EZH1: variants seen among roughly 807,000 people sequenced by gnomAD.
The protein encoded by EZH1 is enhancer of zeste 1 polycomb repressive complex 2 subunit, also known as histone-lysine N-methyltransferase EZH1.
EZH1 carries 33 observed loss-of-function variants against 100.5 expected under a neutral mutation model. The ratio of observed to expected loss-of-function variants is 0.33; its 90% CI spans 0.25 to 0.44. The LOEUF is 0.44. Among genes scored for constraint, EZH1 ranks in the 20% least tolerant of loss-of-function variants. The probability of loss-of-function intolerance (pLI) is 1.00; values close to 1 mark genes in which losing one functional copy is unlikely to be tolerated. For missense variants in EZH1, 475 were observed against 928.4 expected (o/e 0.51, Z 6.35); for synonymous variants, 272 against 313.8 (o/e 0.87, Z 1.41).
chr17:42,730,660 C>A (rs1488730358), intron 2 of EZH1, among the ~76,000 whole-genome samples, 168 bp downstream of exon 2: 1 of 151,112 alleles, frequency 6.6e-6, no homozygotes, highest in Non-Finnish European at 1.5e-5. Context: ...CCACGCCCGG[C>A]TAATTTTTTG....
In EZH1 at chr17:42,700,498, C is replaced by G. The variant is rs1004597943; in HGVS notation, c.*2034G>C. 1.3e-5 allele frequency: 2 copies of G among 152,546 alleles called. No homozygotes were observed. Among genetic ancestry groups the G allele is most frequent in the Admixed American group, 6.5e-5 (1 of 15,278 alleles). 9.4% of individuals were successfully genotyped at this position (152,546 alleles called of 1,614,324 possible). ...GAACAGGAGTATTCATGAACTGAAG[C>G]TGGGACAGGAGACTGACCACAGTGA... On this transcript the variant is annotated 3_prime_UTR_variant, in exon 21 of 21. Transcript: ENST00000428826.
At chr17:42,741,364 T>C (rs1435183408) in intron 1 of EZH1, among the ~76,000 whole-genome samples, 5 of 152,100 alleles carry the variant, frequency 3.3e-5, no homozygotes, top group African/African-American at 9.7e-5. Flanking sequence ...GGATGACAGG[T>C]GTGGGATGCC....
chr17:42,704,005 C>T (rs1211772218), intron 18 of EZH1, among the ~76,000 whole-genome samples, 185 bp from the exon 19 acceptor site: 4 of 152,198 alleles, frequency 2.6e-5, no homozygotes, highest in African/African-American at 9.7e-5. Context: ...TGTGGGAGCA[C>T]TCCCTTTGGG....
intron 4 of EZH1, among the ~76,000 whole-genome samples, chr17:42,727,121 A>T (rs1174979659): frequency 6.6e-6 from 1 of 152,072 alleles, no homozygotes; most frequent in Non-Finnish European, 1.5e-5. Flanking sequence ...AAGTGCTGAG[A>T]TTACAGGTGT....
chr17:42,712,914 T>A (rs1426765622), intron 11 of EZH1, among the ~76,000 whole-genome samples: 1 of 151,716 alleles, frequency 6.6e-6, no homozygotes, highest in Non-Finnish European at 1.5e-5. Flanking sequence ...GGCAGGCACC[T>A]GTAATCCCAG....
chr17:42,722,986 C>T (rs1255066880), intron 5 of EZH1, 71 bp from the exon 6 acceptor site: 2 of 1,521,896 alleles, frequency 1.3e-6, no homozygotes, highest in East Asian at 4.8e-5. Context: ...TTAGTGGAAT[C>T]TTTGCTGAGC....
At chr17:42,737,506 G>A (rs1337281255) in intron 1 of EZH1, among the ~76,000 whole-genome samples, 1 of 152,106 alleles carries the variant, frequency 6.6e-6, no homozygotes, top group African/African-American at 2.4e-5. Context: ...GGGAGGCTGA[G>A]GTGAGAAGAC....
chr17:42,715,483 G>A (rs976617984), intron 10 of EZH1, among the ~76,000 whole-genome samples: 1 of 151,760 alleles, frequency 6.6e-6, no homozygotes, highest in Non-Finnish European at 1.5e-5. Context: ...CTAGGCTCAA[G>A]CTATCCACAT....
At position 42,706,555 on chromosome 17, in the gene EZH1, T is replaced by G. The variant is rs1348930844; in HGVS notation, c.1661-370A>C. ...TAAAAAAAAAAATAGCCATGTGTGG[T>G]GACACCTGCCTGTAGTCCCAGGCTT... On this transcript the variant is annotated intron_variant, in intron 15 of 20. Transcript: ENST00000428826. The surrounding 1 kb of genome is among the most constrained non-coding windows in gnomAD (Gnocchi z 4.4). Among the ~76,000 whole-genome samples the G allele has an allele frequency of 6.6e-6, 1 of 151,526 alleles. No individual in the cohort carries two copies. Among genetic ancestry groups the G allele is most frequent in the African/African-American group, 2.4e-5 (1 of 41,216 alleles).
chr17:42,718,481 A>G lies in EZH1; in HGVS notation c.904T>C (p.Cys302Arg). The G allele has an allele frequency of 6.2e-7, 1 of 1,614,100 alleles. No homozygotes were observed. The highest frequency in any genetic ancestry group is 8.5e-7 in the Non-Finnish European group (1 of 1,180,038). Reference sequence around the variant, plus strand: ...TGAAGGAAGCAGTCGTATTTAAAGCAGCGCCGGCAAAAAAGTGTGTGGAAG... The same window carrying G: ...TGAAGGAAGCAGTCGTATTTAAAGCGGCGCCGGCAAAAAAGTGTGTGGAAG... The part of the protein sequence containing the change: ...HSFHTLFCRR[C>R]FKYDCFLHPF... Residue 302 changes from cysteine to arginine, a missense_variant, in exon 9 of 21, where the codon TGC becomes CGC. Coordinates refer to ENST00000428826, the MANE Select transcript of EZH1 (RefSeq NM_001991.5). The surrounding 1 kb of genome is among the most constrained non-coding windows in gnomAD (Gnocchi z 4.2).
intron 12 of EZH1, among the ~76,000 whole-genome samples, chr17:42,710,538 T>C (rs1432273125): frequency 6.6e-6 from 1 of 151,960 alleles, no homozygotes; most frequent in Non-Finnish European, 1.5e-5. Context: ...AATCCATAGA[T>C]GGTTACGTTG....
chr17:42,718,988 G>A lies in EZH1; in HGVS notation c.767+117C>T, dbSNP rs4792952. ...AGTAAGCAAGAAATAATCAAATTGC[G>A]GGCAAATCATAATGCCCTTACCATA... On this transcript the variant is annotated intron_variant, in intron 8 of 20. Coordinates refer to ENST00000428826, the MANE Select transcript of EZH1 (RefSeq NM_001991.5). The surrounding 1 kb of genome is among the most constrained non-coding windows in gnomAD (Gnocchi z 4.2). The A allele has an allele frequency of 0.06, 44,694 of 749,056 alleles. 1,669 individuals carry two copies. Among genetic ancestry groups the A allele is most frequent in the Admixed American group, 0.12 (5,484 of 44,244 alleles). 46.4% of individuals were successfully genotyped at this position (749,056 alleles called of 1,614,324 possible).
At chr17:42,736,518 C>T (rs1295210769) in intron 1 of EZH1, among the ~76,000 whole-genome samples, 1 of 152,190 alleles carries the variant, frequency 6.6e-6, no homozygotes, top group Non-Finnish European at 1.5e-5. Flanking sequence ...TCTATACATT[C>T]ACACCACATC....
At position 42,701,865 on chromosome 17, in the gene EZH1, G is replaced by A. The variant is rs1447242566; in HGVS notation, c.*667C>T. ...CTTAGCAGTTTAACTACTATCATCT[G>A]GCTGGTTCTCCCTCTCTGGCTAAGG... is the stretch of plus-strand genomic sequence containing the variant. On this transcript the variant is annotated 3_prime_UTR_variant, in exon 21 of 21. Coordinates refer to ENST00000428826, the MANE Select transcript of EZH1 (RefSeq NM_001991.5). 2 of 152,352 alleles carry A rather than the reference G, an allele frequency of 1.3e-5. No individual in the cohort carries two copies. The highest frequency in any genetic ancestry group is 4.8e-5 in the African/African-American group (2 of 41,426). The allele number at this position is 152,352 out of a possible 1,614,324, so 9.4% of individuals were successfully genotyped here. A position where few individuals can be genotyped will look rare whatever the true frequency, so the allele number is the denominator to read the frequency against.
chr17:42,741,914 C>T (rs77261588), intron 1 of EZH1, among the ~76,000 whole-genome samples: 1 of 151,688 alleles, frequency 6.6e-6, no homozygotes, highest in Non-Finnish European at 1.5e-5. Context: ...TGGTCTCACA[C>T]TTCTGAACTC....
chr17:42,724,632 A>G (rs2053781441), intron 4 of EZH1: 2 of 448,900 alleles, frequency 4.5e-6, no homozygotes, highest in African/African-American at 2.0e-5. Context: ...AACATAATAC[A>G]AAAATTAGCT....
intron 15 of EZH1, 70 bp downstream of exon 15, chr17:42,707,888 A>C (rs1470269177): frequency 6.2e-7 from 1 of 1,600,496 alleles, no homozygotes; most frequent in East Asian, 2.2e-5. Context: ...GGGCACAGGA[A>C]TGGGGCAAGC....
chr17:42,705,001 A>T, intron 17 of EZH1, 87 bp downstream of exon 17: 2 of 1,147,038 alleles, frequency 1.7e-6, no homozygotes, highest in Non-Finnish European at 2.6e-6. Context: ...TTTAGAGATT[A>T]ATTCAAAGAA....
At chr17:42,702,735 A>G in intron 20 of EZH1, 142 bp downstream of exon 20, 2 of 1,258,764 alleles carry the variant, frequency 1.6e-6, no homozygotes, top group Non-Finnish European at 1.2e-6. Context: ...GGCACCAGAT[A>G]TCAGAACAAG....
Sources: allele counts gnomAD v4.1 joint callset (sites outside exome capture counted in the v4.1 genomes callset), GRCh38; gene constraint gnomAD v4.1.1; non-coding constraint Gnocchi (gnomAD v3.1); transcripts MANE v1.5; gene names NCBI Gene and HGNC (gene_info 2026-07-23, HGNC 2026-07-21).